Variants in UNC93A observed in about 807,000 individuals in gnomAD.
UNC93A encodes the protein unc-93 homolog A, also known as N-acetylglucosamine transporter UNC93A.
In UNC93A, 43 loss-of-function variants were observed where a neutral mutation model predicts 47.5. The observed-to-expected ratio is 0.91, with a 90% CI of 0.71 to 1.17. UNC93A has a LOEUF of 1.17. Among genes scored for constraint, UNC93A ranks in the 50% most tolerant of loss-of-function variants. UNC93A has a pLI of 0.00. For missense variants in UNC93A, 605 were observed against 577.6 expected, an observed-to-expected ratio of 1.05 and a Z score of -0.49; for synonymous variants, 280 against 258.0, an observed-to-expected ratio of 1.09 and a Z score of -0.82.
intron 1 of UNC93A, among the ~76,000 whole-genome samples, chr6:167,283,631 AC>A (rs977763255): frequency 4.0e-5 from 6 of 151,626 alleles, no homozygotes; most frequent in African/African-American, 1.5e-4. Context: ...TCACTCCCTC[AC>A]TCCCCCGCGT....
chr6:167,295,556 T>A (rs1778049228), intron 2 of UNC93A, among the ~76,000 whole-genome samples: 1 of 92,122 alleles, frequency 1.1e-5, no homozygotes, highest in Non-Finnish European at 1.9e-5. Flanking sequence ...TCCCTCGTGC[T>A]CCTCGCCTCC....
At position 167,294,555 on chromosome 6, in the gene UNC93A, G is replaced by T. The variant is rs202134214; in HGVS notation, c.126G>T (p.Ala42=). The T allele has an allele frequency of 1.9e-6, 3 of 1,614,026 alleles. No individual in the cohort carries two copies. The highest frequency in any genetic ancestry group is 2.5e-6 in the Non-Finnish European group (3 of 1,179,994). Residue 42 remains alanine, a synonymous_variant, in exon 2 of 8, where the codon GCG becomes GCT. Transcript: ENST00000230256. ...GCGAGGAGGGCCTGGGTGTCACAGC[G>T]CTCAGCACCCTCTATGGAGGCATGC... ...LYSEEGLGVT[A]LSTLYGGMLL...
chr6:167,304,556 GT>G (rs67933171), intron 5 of UNC93A, among the ~76,000 whole-genome samples: 1,876 of 150,140 alleles, frequency 0.012, 57 homozygotes, highest in African/African-American at 0.043. Context: ...TATCTCTCTA[GT>G]TTTTTTTTTT....
upstream of UNC93A, among the ~76,000 whole-genome samples, chr6:167,286,413 A>G (rs1287025610): frequency 6.6e-6 from 1 of 152,264 alleles, no homozygotes; most frequent in African/African-American, 2.4e-5. Context: ...CTGGAAACAA[A>G]CGGGGAAAAT....
chr6:167,288,266 G>A (rs1783775420), upstream of UNC93A, among the ~76,000 whole-genome samples: 1 of 152,156 alleles, frequency 6.6e-6, no homozygotes, highest in Non-Finnish European at 1.5e-5. Context: ...TTGGCTCTCT[G>A]GGTTCTCCTT....
At chr6:167,274,391 C>T (rs770154534) in intron 1 of UNC93A, among the ~76,000 whole-genome samples, 1 of 152,158 alleles carries the variant, frequency 6.6e-6, no homozygotes, top group Non-Finnish European at 1.5e-5. Flanking sequence ...CTCCTCCTGC[C>T]TAAAGGGTTC....
intron 4 of UNC93A, among the ~76,000 whole-genome samples, chr6:167,299,074 C>T (rs58837804): frequency 0.026 from 3,795 of 146,560 alleles, 142 homozygotes; most frequent in East Asian, 0.16. Flanking sequence ...GCCAAGATCG[C>T]GCTGCTGCAC....
chr6:167,304,249 G>A (rs1446064636), intron 5 of UNC93A, 116 bp downstream of exon 5: 8 of 1,148,802 alleles, frequency 7.0e-6, no homozygotes, highest in African/African-American at 1.5e-5. Flanking sequence ...GGCTGGGGCT[G>A]GAGGGAGCGG....
chr6:167,269,520 C>A (rs181622987), upstream of UNC93A, among the ~76,000 whole-genome samples: 52 of 151,984 alleles, frequency 3.4e-4, no homozygotes, highest in Non-Finnish European at 6.0e-4. Flanking sequence ...AATAAAGGAA[C>A]CCAATGAAAA....
intron 5 of UNC93A, among the ~76,000 whole-genome samples, chr6:167,304,947 A>G (rs143555549): frequency 0.011 from 1,616 of 152,236 alleles, 23 homozygotes; most frequent in Middle Eastern, 0.017. Context: ...CACTCCTGCC[A>G]CCTTCTCCCC....
intron 7 of UNC93A, among the ~76,000 whole-genome samples, chr6:167,309,734 C>CCTGGTGGGT (rs1778506360): frequency 1.3e-5 from 2 of 152,196 alleles, no homozygotes; most frequent in African/African-American, 4.8e-5. Flanking sequence ...TTCTTGTCTT[C>CCTGGTGGGT]CTGGTGGGTT....
At chr6:167,306,292 G>A (rs915047213) in intron 6 of UNC93A, among the ~76,000 whole-genome samples, 5 of 152,228 alleles carry the variant, frequency 3.3e-5, no homozygotes, top group African/African-American at 1.2e-4. Context: ...CACAGCAAGT[G>A]CCTGCTCCGA....
intron 7 of UNC93A, among the ~76,000 whole-genome samples, chr6:167,310,943 C>T (rs969315710): frequency 2.0e-5 from 3 of 152,186 alleles, no homozygotes; most frequent in Non-Finnish European, 2.9e-5. Flanking sequence ...ACTTTATACT[C>T]GCAATCGTCA....
rs767182993 is a variant in UNC93A at position 167,307,863 on chromosome 6, CTGGCCTG to C, written c.1065_1071del (p.Leu356AlafsTer61). On this transcript the variant is annotated frameshift_variant, in exon 7 of 8. Coordinates refer to ENST00000230256, the MANE Select transcript of UNC93A (RefSeq NM_018974.4). LOFTEE classifies it high-confidence loss of function. Reference sequence around the variant, plus strand: ...CATCTGGCAGTGTTCTTCGTATTCTCTGGCCTGTGGGGCGTGGCAGATGCCGTCTGGC... The same window carrying C: ...CATCTGGCAGTGTTCTTCGTATTCTCTGGGGCGTGGCAGATGCCGTCTGGC... The C allele has an allele frequency of 3.1e-6, 5 of 1,614,120 alleles. No homozygotes were observed. The highest frequency in any genetic ancestry group is 3.4e-6 in the Non-Finnish European group (4 of 1,179,976).
In UNC93A at chr6:167,297,838, C is replaced by T. The variant is rs76806301; in HGVS notation, c.500-107C>T. On this transcript the variant is annotated intron_variant, in intron 3 of 7. Coordinates refer to ENST00000230256, the MANE Select transcript of UNC93A (RefSeq NM_018974.4). ...TCCACGTGACCTGTAGTGATGCCTC[C>T]CCCCAGGTGTCCAATGTCCTTTCCA... The T allele has an allele frequency of 2.3e-3, 3,238 of 1,418,818 alleles. 64 individuals are homozygous for T. The African/African-American group carries it at 0.04, about 18-fold the overall frequency. 87.9% of individuals were successfully genotyped at this position (1,418,818 alleles called of 1,614,324 possible).
rs1562359227 is a variant in UNC93A, at chr6:167,307,740, G to A, written c.977-39G>A. ...CCAGGCCCCTCCAGGCCATGATGAT[G>A]GCCCTCATCGCCTGGCGGTTTCCCC... On this transcript the variant is annotated intron_variant, in intron 6 of 7. Coordinates refer to ENST00000230256, the MANE Select transcript of UNC93A (RefSeq NM_018974.4). 8 of 1,577,200 alleles carry A rather than the reference G, an allele frequency of 5.1e-6. No individual in the cohort carries two copies. In the South Asian group the frequency reaches 9.0e-5, roughly 18 times the overall value.
rs1332089184 is a variant in UNC93A, at chr6:167,296,131, A to C, written c.369A>C (p.Ala123=). 1.2e-6 allele frequency: 2 copies of C among 1,614,126 alleles called. No individual in the cohort carries two copies. The highest frequency in any genetic ancestry group is 1.7e-6 in the Non-Finnish European group (2 of 1,180,056). Residue 123 remains alanine (A), a synonymous_variant, in exon 3 of 8, where the codon GCA becomes GCC. Coordinates refer to ENST00000230256, the MANE Select transcript of UNC93A (RefSeq NM_018974.4). The part of the protein sequence containing the change: ...TYLTITGNTH[A]EKAGKRGKDM... ...TCACGATCACGGGAAACACACATGC[A>C]GAGAAGGCGGGAAAGCGTGGCAAAG...
chr6:167,270,548 T>C (rs981764282), upstream of UNC93A, among the ~76,000 whole-genome samples: 1 of 151,928 alleles, frequency 6.6e-6, no homozygotes, highest in Non-Finnish European at 1.5e-5. Context: ...GAGAAAGGGT[T>C]GTGGGTTGAG....
intron 4 of UNC93A, among the ~76,000 whole-genome samples, chr6:167,301,085 G>A (rs1158975523): frequency 1.3e-5 from 2 of 152,236 alleles, no homozygotes; most frequent in Non-Finnish European, 2.9e-5. Flanking sequence ...GCAGGCAGTG[G>A]GCAGGCTTTG....
Sources: gnomAD v4.1 joint callset for allele counts (sites outside exome capture counted in the v4.1 genomes callset) on GRCh38, gnomAD v4.1.1 for gene constraint, MANE v1.5 for transcripts, NCBI Gene and HGNC (gene_info 2026-07-23, HGNC 2026-07-21) for gene names.